The following ATP8A2 variants were observed in gnomAD, a reference collection of about 807,000 sequenced individuals.
The protein encoded by ATP8A2 is ATPase phospholipid transporting 8A2.
ATP8A2 carries 100 observed loss-of-function variants against 165.6 expected under a neutral mutation model. That is an observed-to-expected ratio of 0.60 (90% confidence interval 0.51 to 0.71). The LOEUF is 0.71. Among genes scored for constraint, ATP8A2 ranks in the 30% least tolerant of loss-of-function variants. ATP8A2 has a pLI of 0.00. For missense variants in ATP8A2, 1,227 were observed against 1,479.5 expected (o/e 0.83, Z 2.80); for synonymous variants, 543 against 548.8 (o/e 0.99, Z 0.15).
chr13:25,874,208 A>G (rs1244754051), intron 33 of ATP8A2, among the ~76,000 whole-genome samples: 1 of 151,984 alleles, frequency 6.6e-6, no homozygotes, highest in African/African-American at 2.4e-5. Context: ...TGCTCCCTTT[A>G]TGCTCTCCCT....
At chr13:25,647,765 A>C (rs950128479) in intron 24 of ATP8A2, among the ~76,000 whole-genome samples, 1 of 151,044 alleles carries the variant, frequency 6.6e-6, no homozygotes, top group Non-Finnish European at 1.5e-5. Flanking sequence ...GGCTCACTGC[A>C]ACCTCTGCCT....
chr13:25,808,504 C>T (rs1950791285), intron 27 of ATP8A2, among the ~76,000 whole-genome samples: 1 of 151,016 alleles, frequency 6.6e-6, no homozygotes, highest in African/African-American at 2.4e-5. Flanking sequence ...GAGGCTGAGG[C>T]AGGAGAATCA....
intron 24 of ATP8A2, among the ~76,000 whole-genome samples, chr13:25,692,479 T>C (rs2042746340): frequency 2.0e-5 from 3 of 152,228 alleles, no homozygotes; most frequent in South Asian, 4.1e-4. Context: ...CATTCATTTT[T>C]GAAGAGAGAC....
At chr13:25,441,929 C>T (rs2034941816) in intron 1 of ATP8A2, among the ~76,000 whole-genome samples, 1 of 152,172 alleles carries the variant, frequency 6.6e-6, no homozygotes, top group Admixed American at 6.5e-5. Flanking sequence ...TCTCCCAGCC[C>T]TTGCCAACCA....
At chr13:25,512,482 C>T (rs1300679866) in intron 2 of ATP8A2, among the ~76,000 whole-genome samples, 1 of 151,948 alleles carries the variant, frequency 6.6e-6, no homozygotes. Flanking sequence ...CCTCATCTCC[C>T]GGACGGGGCG....
intron 25 of ATP8A2, among the ~76,000 whole-genome samples, chr13:25,718,650 A>G (rs2138019078): frequency 6.6e-6 from 1 of 152,338 alleles, no homozygotes; most frequent in Admixed American, 6.5e-5. Flanking sequence ...TCTAGGAAAC[A>G]TCCTCCAAGA....
chr13:25,523,555 T>C (rs999308739), intron 2 of ATP8A2, among the ~76,000 whole-genome samples: 12 of 152,174 alleles, frequency 7.9e-5, no homozygotes, highest in Non-Finnish European at 1.5e-4. Flanking sequence ...TTGTTATTGA[T>C]TGGTTGAGGT....
intron 24 of ATP8A2, among the ~76,000 whole-genome samples, chr13:25,630,654 G>A (rs2041218923): frequency 6.6e-6 from 1 of 152,166 alleles, no homozygotes; most frequent in South Asian, 2.1e-4. Context: ...GGGCTCTACA[G>A]GAAATCTTGA....
chr13:25,800,613 G>A (rs1206405404), intron 27 of ATP8A2, among the ~76,000 whole-genome samples: 1 of 152,114 alleles, frequency 6.6e-6, no homozygotes, highest in Non-Finnish European at 1.5e-5. Flanking sequence ...TCATCCATAG[G>A]AAGGAGATTT....
At chr13:25,384,632 C>G (rs185260985) in intron 1 of ATP8A2, among the ~76,000 whole-genome samples, 162 of 152,048 alleles carry the variant, frequency 1.1e-3, no homozygotes, top group African/African-American at 3.7e-3. Context: ...TTTATTTCAA[C>G]AATTATTTTT....
At chr13:25,773,327 G>A (rs1288474006) in intron 26 of ATP8A2, among the ~76,000 whole-genome samples, 1 of 152,234 alleles carries the variant, frequency 6.6e-6, no homozygotes, top group African/African-American at 2.4e-5. Context: ...TGCAGCTAAC[G>A]GCACATTTAT....
intron 33 of ATP8A2, among the ~76,000 whole-genome samples, chr13:25,940,240 CT>C (rs1426876929): frequency 3.9e-5 from 6 of 152,106 alleles, no homozygotes; most frequent in Non-Finnish European, 7.3e-5. Flanking sequence ...CCCGGTGGCT[CT>C]TCAGCGTCCT....
At chr13:25,708,994 G>T (rs989926818) in intron 25 of ATP8A2, among the ~76,000 whole-genome samples, 1 of 152,150 alleles carries the variant, frequency 6.6e-6, no homozygotes, top group Non-Finnish European at 1.5e-5. Context: ...GAGAGGGTCT[G>T]TTGAATGATT....
At position 25,548,369 on chromosome 13, in the gene ATP8A2, C is replaced by G. The variant is rs141802441; in HGVS notation, c.892-2969C>G. Among the ~76,000 whole-genome samples, 201 of 152,280 alleles carry G rather than the reference C, an allele frequency of 1.3e-3. 1 individual carries two copies. The highest frequency in any genetic ancestry group is 4.3e-3 in the African/African-American group (178 of 41,552). Reference sequence around the variant, plus strand: ...GAAGCTTGAAGTTTTGGGATTGTTCCTCTTCTGTTAGATGAAAGATAAAGT... The same window carrying G: ...GAAGCTTGAAGTTTTGGGATTGTTCGTCTTCTGTTAGATGAAAGATAAAGT... On this transcript the variant is annotated intron_variant, in intron 10 of 36. Transcript: ENST00000381655.
At chr13:25,468,919 C>T in intron 1 of ATP8A2, 58 bp from the exon 2 acceptor site, 3 of 1,584,786 alleles carry the variant, frequency 1.9e-6, no homozygotes, top group Non-Finnish European at 2.6e-6. Context: ...CTCGCAGCCT[C>T]CCGCCTGGCG....
intron 13 of ATP8A2, among the ~76,000 whole-genome samples, 166 bp downstream of exon 13, chr13:25,555,234 G>A (rs769952897): frequency 3.3e-5 from 5 of 151,818 alleles, no homozygotes; most frequent in Admixed American, 2.0e-4. Flanking sequence ...AAATATAAGC[G>A]TTACTCAGTT....
At chr13:25,945,140 A>G (rs992160262) in intron 33 of ATP8A2, among the ~76,000 whole-genome samples, 18 of 152,294 alleles carry the variant, frequency 1.2e-4, no homozygotes, top group African/African-American at 4.1e-4. Context: ...AAACATATAC[A>G]TATTTATGAT....
At chr13:25,617,772 C>G (rs943630612) in intron 24 of ATP8A2, among the ~76,000 whole-genome samples, 1 of 152,070 alleles carries the variant, frequency 6.6e-6, no homozygotes, top group African/African-American at 2.4e-5. Context: ...TTGAAAAATT[C>G]ACGCAGTTCT....
intron 35 of ATP8A2, among the ~76,000 whole-genome samples, chr13:25,978,424 A>G (rs532264190): frequency 8.5e-5 from 13 of 152,342 alleles, no homozygotes; most frequent in African/African-American, 2.9e-4. Flanking sequence ...ACAAACAGGC[A>G]GGTACACCCA....
Sources: allele counts gnomAD v4.1 joint callset (sites outside exome capture counted in the v4.1 genomes callset), GRCh38; gene constraint gnomAD v4.1.1; transcripts MANE v1.5; gene names NCBI Gene and HGNC (gene_info 2026-07-23, HGNC 2026-07-21).